The following ZMIZ2 variants were observed in gnomAD, a reference collection of about 807,000 sequenced individuals.
ZMIZ2 encodes zinc finger MIZ domain-containing protein 2.
Under a neutral mutation model 93.9 loss-of-function variants are expected in ZMIZ2, and 26 were observed. The ratio of observed to expected loss-of-function variants is 0.28; its 90% CI spans 0.20 to 0.38. ZMIZ2 has a LOEUF of 0.38. ZMIZ2 is among the 10% of genes least tolerant of loss of function. The pLI is 1.00. For missense variants in ZMIZ2, 1,023 were observed against 1,235.0 expected (o/e 0.83, Z 2.57); for synonymous variants, 485 against 516.4 (o/e 0.94, Z 0.82).
chr7:44,757,339 G>A (rs1264921623), intron 4 of ZMIZ2, 39 bp from the exon 5 acceptor site: 8 of 1,584,908 alleles, frequency 5.0e-6, no homozygotes, highest in Middle Eastern at 1.8e-4. Context: ...GCCCTCATGA[G>A]CCCACGCAGA....
At chr7:44,762,274 G>T (rs932275768) in intron 11 of ZMIZ2, among the ~76,000 whole-genome samples, 1 of 152,220 alleles carries the variant, frequency 6.6e-6, no homozygotes, top group Admixed American at 6.5e-5. Context: ...CTGTTTTCCA[G>T]TTAGAGTAAA....
At position 44,766,275 on chromosome 7, in the gene ZMIZ2, C is replaced by G; in HGVS notation, c.2354C>G (p.Ser785Cys). 1 of 1,599,762 alleles carries G rather than the reference C, an allele frequency of 6.3e-7. No homozygotes were observed. Among genetic ancestry groups the G allele is most frequent in the African/African-American group, 1.3e-5 (1 of 74,648 alleles). ...GGACCACCCCCCATCTCCTACCAGT[C>G]TGACATTCCCAGCAGCCTCCTGACT... is the stretch of plus-strand genomic sequence containing the variant. ...TPGPPPISYQSDIPSSLLTSE... is the reference protein window; with the variant it reads ...TPGPPPISYQCDIPSSLLTSE... Residue 785 changes from serine (S) to cysteine (C), a missense_variant, in exon 17 of 19, where the codon TCT (serine) becomes TGT (cysteine). Transcript: ENST00000309315. This position sits in a 1 kb window ranked among gnomAD's most constrained non-coding sequence, Gnocchi z 4.4.
At chr7:44,750,821 C>T (rs1583601232) in intron 1 of ZMIZ2, among the ~76,000 whole-genome samples, 3 of 152,040 alleles carry the variant, frequency 2.0e-5, no homozygotes, top group Admixed American at 6.6e-5. Context: ...ACAAGGAAAG[C>T]GCCAGGCACT....
At position 44,765,822 on chromosome 7, in the gene ZMIZ2, C is replaced by T. The variant is rs1268311335; in HGVS notation, c.2242+243C>T. 1 of 1,064,058 alleles carries T rather than the reference C, an allele frequency of 9.4e-7. No individual in the cohort carries two copies. Among genetic ancestry groups the T allele is most frequent in the East Asian group, 2.7e-5 (1 of 37,588 alleles). 65.9% of individuals were successfully genotyped at this position (1,064,058 alleles called of 1,614,324 possible). On this transcript the variant is annotated intron_variant, in intron 16 of 18. Coordinates refer to ENST00000309315, the MANE Select transcript of ZMIZ2 (RefSeq NM_031449.4). The surrounding 1 kb of genome is among the most constrained non-coding windows in gnomAD (Gnocchi z 4.1). ...ACAGTGGGGCCTCCACCCTTCCTTC[C>T]CCGTTTGGATTAAGGGGCTCCTGGC...
rs758703714 is a variant in ZMIZ2 at position 44,757,418 on chromosome 7, G to A, written c.409G>A (p.Ala137Thr). 4.4e-6 allele frequency: 7 copies of A among 1,604,386 alleles called. No homozygotes were observed. In the East Asian group the frequency reaches 1.6e-4, roughly 36 times the overall value. Reference protein sequence around the residue: ...GPGGLGLPSHAARPSTDFTQA... With the variant: ...GPGGLGLPSHTARPSTDFTQA... ...GGGGGGCCTGGGCCTCCCCTCACAT[G>A]CTGCAAGACCCTCCACTGACTTCAC... is the stretch of plus-strand genomic sequence containing the variant. Residue 137 changes from alanine (A) to threonine (T), a missense_variant, in exon 5 of 19, where the codon GCT becomes ACT. Around this residue, in one of 3 missense-constraint regions of ZMIZ2, gnomAD observed 656 missense variants for 777.1 expected, o/e 0.84. Transcript: ENST00000309315.
chr7:44,749,619 G>A (rs1479976510), intron 1 of ZMIZ2, among the ~76,000 whole-genome samples: 1 of 152,178 alleles, frequency 6.6e-6, no homozygotes, highest in East Asian at 1.9e-4. Flanking sequence ...GAGGTGCCTT[G>A]TCTTCCCTAG....
intron 1 of ZMIZ2, among the ~76,000 whole-genome samples, chr7:44,749,235 GC>G (rs1315337015): frequency 6.6e-6 from 1 of 152,170 alleles, no homozygotes; most frequent in African/African-American, 2.4e-5. Flanking sequence ...TCTTGGGCAG[GC>G]TCGGCCCCGT....
rs1790933439 is a variant in ZMIZ2, at chr7:44,759,354, G to A, written c.887G>A (p.Gly296Glu). Residue 296 changes from glycine to glutamate, a missense_variant, in exon 7 of 19, where the codon GGG becomes GAG. By Grantham distance (98) the Gly-to-Glu change is moderately conservative (BLOSUM62 -2). This residue lies in a region of ZMIZ2 where 656 missense variants were observed against 777.1 expected (regional missense o/e 0.84). Transcript: ENST00000309315. ...ACCGCCCAGTTTGCGCCCAGCCCTG[G>A]GCAGCCCCCTGCCCCCTCCCCTTCC... is the stretch of plus-strand genomic sequence containing the variant. ...PSTAQFAPSPGQPPAPSPSYP... is the reference protein window; with the variant it reads ...PSTAQFAPSPEQPPAPSPSYP... 2 of 1,605,198 alleles carry A rather than the reference G, an allele frequency of 1.2e-6. No individual in the cohort carries two copies. Among genetic ancestry groups the A allele is most frequent in the African/African-American group, 1.3e-5 (1 of 74,338 alleles).
In ZMIZ2 at chr7:44,759,461, G is replaced by T; in HGVS notation, c.993+1G>T. 6.6e-7 allele frequency: 1 copy of T among 1,518,182 alleles called. No homozygotes were observed. Among genetic ancestry groups the T allele is most frequent in the Non-Finnish European group, 8.8e-7 (1 of 1,131,690 alleles). 94.0% of individuals were successfully genotyped at this position (1,518,182 alleles called of 1,614,324 possible). ...TGGCCCCACGGGACTGCATTATAAG[G>T]TAGGGCAGGCTCCTCCAGGCCCTGT... On this transcript the variant is annotated splice_donor_variant, in intron 7 of 18. Transcript: ENST00000309315. LOFTEE classifies it high-confidence loss of function.
chr7:44,760,142 C>T lies in ZMIZ2; in HGVS notation c.994-9C>T, dbSNP rs768147183. On this transcript the variant is annotated splice_polypyrimidine_tract_variant and intron_variant, in intron 7 of 18. Coordinates refer to ENST00000309315, the MANE Select transcript of ZMIZ2 (RefSeq NM_031449.4). Reference sequence around the variant, plus strand: ...GAGCCCCAGGTGCATGCAGTTTTCTCTCCCGCAGCCCACAGAGCAGTTCAA... The same window carrying T: ...GAGCCCCAGGTGCATGCAGTTTTCTTTCCCGCAGCCCACAGAGCAGTTCAA... 2 of 1,613,938 alleles carry T rather than the reference C, an allele frequency of 1.2e-6. No individual in the cohort carries two copies. The highest frequency in any genetic ancestry group is 1.1e-5 in the South Asian group (1 of 91,084).
chr7:44,756,819 C>A, intron 3 of ZMIZ2, 128 bp from the exon 4 acceptor site: 1 of 1,181,208 alleles, frequency 8.5e-7, no homozygotes, highest in Non-Finnish European at 1.2e-6. Context: ...GCTTCCCGTG[C>A]TATACCCTGT....
chr7:44,758,913 CAAAAAAA>C (rs898517700), intron 6 of ZMIZ2, among the ~76,000 whole-genome samples: 2 of 77,406 alleles, frequency 2.6e-5, no homozygotes, highest in East Asian at 3.5e-4. Context: ...GACTCCATCT[CAAAAAAA>C]AAAAAAAAAA....
chr7:44,766,515 A>G lies in ZMIZ2; in HGVS notation c.2507A>G (p.His836Arg), dbSNP rs781131219. Residue 836 changes from histidine (H) to arginine (R), a missense_variant, in exon 18 of 19, where the codon CAC (histidine) becomes CGC (arginine). By Grantham distance (29) the His-to-Arg change is conservative. This residue lies in a region of ZMIZ2 where 319 missense variants were observed against 358.8 expected (regional missense o/e 0.89). Transcript: ENST00000309315. This position sits in a 1 kb window ranked among gnomAD's most constrained non-coding sequence, Gnocchi z 4.4. Reference sequence around the variant, plus strand: ...GGGGCCCCTCCAGGTCCCCAGCTGCACCATTCAAACCCTCCCCCAGCGTCC... The same window carrying G: ...GGGGCCCCTCCAGGTCCCCAGCTGCGCCATTCAAACCCTCCCCCAGCGTCC... ...NLGAPPGPQL[H>R]HSNPPPASRQ... is the part of the protein sequence containing the mutation. 8.1e-6 allele frequency: 13 copies of G among 1,614,078 alleles called. No homozygotes were observed. Among genetic ancestry groups the G allele is most frequent in the Non-Finnish European group, 1.0e-5 (12 of 1,180,018 alleles).
rs1562740370 is a variant in ZMIZ2 at position 44,761,923 on chromosome 7, A to G, written c.1596+18A>G. The G allele has an allele frequency of 1.6e-6, 2 of 1,285,468 alleles. No individual in the cohort carries two copies. The highest frequency in any genetic ancestry group is 2.6e-5 in the South Asian group (2 of 77,300). 79.6% of individuals were successfully genotyped at this position (1,285,468 alleles called of 1,614,324 possible). Reference sequence around the variant, plus strand: ...GCTGCTGCGTGCGTGTCCTGCGCCGAGGGGGCGGTGCTGTGGCGTGGGGCG... The same window carrying G: ...GCTGCTGCGTGCGTGTCCTGCGCCGGGGGGGCGGTGCTGTGGCGTGGGGCG... On this transcript the variant is annotated intron_variant, in intron 11 of 18. Transcript: ENST00000309315. This position sits in a 1 kb window ranked among gnomAD's most constrained non-coding sequence, Gnocchi z 5.8.
At position 44,769,808 on chromosome 7, in the gene ZMIZ2, C is replaced by A. The variant is rs1421602351; in HGVS notation, c.*2185C>A. 6.6e-6 allele frequency: 1 copy of A among 152,264 alleles called. No homozygotes were observed. The highest frequency in any genetic ancestry group is 6.5e-5 in the Admixed American group (1 of 15,284). The allele number at this position is 152,264 out of a possible 1,614,324, so 9.4% of individuals were successfully genotyped here. On this transcript the variant is annotated 3_prime_UTR_variant, in exon 19 of 19. Transcript: ENST00000309315. Reference sequence around the variant, plus strand: ...CCTGTGCTCCATCACAAACACCTCTCAGAAACAACGTGGGATGAAAAAGCA... The same window carrying A: ...CCTGTGCTCCATCACAAACACCTCTAAGAAACAACGTGGGATGAAAAAGCA...
At position 44,762,873 on chromosome 7, in the gene ZMIZ2, T is replaced by G. The variant is rs752847161; in HGVS notation, c.1597-8T>G. 1 of 1,600,388 alleles carries G rather than the reference T, an allele frequency of 6.2e-7. No individual in the cohort carries two copies. The highest frequency in any genetic ancestry group is 1.7e-5 in the Admixed American group (1 of 59,202). Reference sequence around the variant, plus strand: ...TCCCCCTGATGACATCCTCCCGTTGTATTGCAGTCCCACCTCTTCGTGCTG... The same window carrying G: ...TCCCCCTGATGACATCCTCCCGTTGGATTGCAGTCCCACCTCTTCGTGCTG... On this transcript the variant is annotated splice_region_variant and splice_polypyrimidine_tract_variant and intron_variant, in intron 11 of 18. Coordinates refer to ENST00000309315, the MANE Select transcript of ZMIZ2 (RefSeq NM_031449.4).
In ZMIZ2 at chr7:44,762,805, C is replaced by T. The variant is rs1242185406; in HGVS notation, c.1597-76C>T. ...ACCTGGCAGCCCCTGACACACAACC[C>T]CCAGCACACCCTTTACCTGGCCAGG... On this transcript the variant is annotated intron_variant, in intron 11 of 18. Coordinates refer to ENST00000309315, the MANE Select transcript of ZMIZ2 (RefSeq NM_031449.4). 106 of 1,308,938 alleles carry T rather than the reference C, an allele frequency of 8.1e-5. 1 individual carries two copies. Among genetic ancestry groups the T allele is most frequent in the Non-Finnish European group, 1.1e-4 (103 of 958,856 alleles). 81.1% of individuals were successfully genotyped at this position (1,308,938 alleles called of 1,614,324 possible).
Position 44,768,832 on chromosome 7 carries a change from C to G in ZMIZ2, c.*1209C>G, listed in dbSNP as rs1791949643. 6.6e-6 allele frequency: 1 copy of G among 152,224 alleles called. No individual in the cohort carries two copies. The highest frequency in any genetic ancestry group is 1.5e-5 in the Non-Finnish European group (1 of 68,040). The allele number at this position is 152,224 out of a possible 1,614,324, so 9.4% of individuals were successfully genotyped here. ...TCGACCTTCAAGTGGCTTTTGGGGC[C>G]CCAGGTTGAGCTCTGGATGTTTCAA... On this transcript the variant is annotated 3_prime_UTR_variant, in exon 19 of 19. Transcript: ENST00000309315.
At position 44,759,386 on chromosome 7, in the gene ZMIZ2, G is replaced by A. The variant is rs756983410; in HGVS notation, c.919G>A (p.Gly307Arg). ...QPPAPSPSYPGHRLPLQQGMT... is the reference protein window; with the variant it reads ...QPPAPSPSYPRHRLPLQQGMT... Reference sequence around the variant, plus strand: ...CCCTGCCCCCTCCCCTTCCTACCCTGGGCACAGGCTGCCCCTGCAGCAGGG... The same window carrying A: ...CCCTGCCCCCTCCCCTTCCTACCCTAGGCACAGGCTGCCCCTGCAGCAGGG... Residue 307 changes from glycine (G) to arginine (R), a missense_variant, in exon 7 of 19, where the codon GGG becomes AGG. Around this residue, in one of 3 missense-constraint regions of ZMIZ2, gnomAD observed 656 missense variants for 777.1 expected, o/e 0.84. Transcript: ENST00000309315. The A allele has an allele frequency of 1.2e-6, 2 of 1,604,610 alleles. No individual in the cohort carries two copies. Among genetic ancestry groups the A allele is most frequent in the Non-Finnish European group, 1.7e-6 (2 of 1,175,868 alleles).
Sources: allele counts gnomAD v4.1 joint callset (sites outside exome capture counted in the v4.1 genomes callset), GRCh38; gene constraint gnomAD v4.1.1; regional missense constraint gnomAD v4.1.1; non-coding constraint Gnocchi (gnomAD v3.1); transcripts MANE v1.5; gene names NCBI Gene and HGNC (gene_info 2026-07-23, HGNC 2026-07-21).